Variants in EXOC4 observed in about 807,000 individuals in gnomAD.
EXOC4 encodes the protein SEC8-like 1.
EXOC4 carries 71 observed loss-of-function variants against 107.2 expected under a neutral mutation model. That is an observed-to-expected ratio of 0.66 (90% CI 0.55 to 0.81). EXOC4 has a LOEUF of 0.81. Ranked by LOEUF, EXOC4 falls within the 30% of genes least tolerant of loss-of-function variation. EXOC4 has a pLI of 0.00. For missense variants in EXOC4, 1,108 were observed against 1,189.6 expected, an observed-to-expected ratio of 0.93 and a Z score of 1.01; for synonymous variants, 456 against 441.2, an observed-to-expected ratio of 1.03 and a Z score of -0.42.
At chr7:133,597,743 C>T (rs867850215) in intron 9 of EXOC4, among the ~76,000 whole-genome samples, 3 of 151,480 alleles carry the variant, frequency 2.0e-5, no homozygotes, top group South Asian at 2.1e-4. Flanking sequence ...AAAGTGATGT[C>T]ATCACACCTG....
chr7:133,874,827 T>C (rs1400781961), intron 11 of EXOC4, among the ~76,000 whole-genome samples: 1 of 152,256 alleles, frequency 6.6e-6, no homozygotes, highest in East Asian at 1.9e-4. Context: ...TGTGGGTTAT[T>C]GGAGCCTCCT....
downstream of EXOC4, among the ~76,000 whole-genome samples, chr7:134,071,144 A>G (rs932576306): frequency 1.3e-5 from 2 of 152,220 alleles, no homozygotes; most frequent in Admixed American, 6.5e-5. Flanking sequence ...TATTTCATTT[A>G]ATCCTCACAA....
intron 10 of EXOC4, among the ~76,000 whole-genome samples, chr7:133,682,133 A>G (rs945383547): frequency 2.0e-4 from 31 of 152,096 alleles, no homozygotes; most frequent in African/African-American, 7.0e-4. Context: ...CTTGGACTCA[A>G]CTGATCCAGG....
chr7:133,777,047 GAATT>G (rs148952531), intron 10 of EXOC4, among the ~76,000 whole-genome samples: 1 of 152,134 alleles, frequency 6.6e-6, no homozygotes, highest in Non-Finnish European at 1.5e-5. Flanking sequence ...AGAGCCAAGA[GAATT>G]AATTTATATT....
At chr7:134,004,879 A>G in intron 15 of EXOC4, 33 bp from the exon 16 acceptor site, 1 of 1,576,754 alleles carries the variant, frequency 6.3e-7, no homozygotes, top group Non-Finnish European at 8.6e-7. Context: ...AGGATTTATT[A>G]TTAACTGCTC....
chr7:133,849,262 G>A (rs913556503), intron 11 of EXOC4, among the ~76,000 whole-genome samples: 5 of 152,036 alleles, frequency 3.3e-5, no homozygotes, highest in Non-Finnish European at 1.5e-5. Context: ...TTTCTACAAA[G>A]AAATTCAATT....
chr7:133,621,076 G>C (rs1279724791), intron 9 of EXOC4, among the ~76,000 whole-genome samples: 1 of 152,182 alleles, frequency 6.6e-6, no homozygotes, highest in South Asian at 2.1e-4. Context: ...ATTGGGCACT[G>C]CTGCTAATGG....
rs1796151265 is a variant in EXOC4, at chr7:134,064,999, G to C, written c.*471G>C. 1 of 152,616 alleles carries C rather than the reference G, an allele frequency of 6.6e-6. No homozygotes were observed. The highest frequency in any genetic ancestry group is 1.5e-5 in the Non-Finnish European group (1 of 68,052). 9.5% of individuals were successfully genotyped at this position (152,616 alleles called of 1,614,324 possible). Reference sequence around the variant, plus strand: ...ATCCGTTTACAGTTCAATGAAATAAGTGTATGTGCATTGCTGTCTGTCTCT... The same window carrying C: ...ATCCGTTTACAGTTCAATGAAATAACTGTATGTGCATTGCTGTCTGTCTCT... On this transcript the variant is annotated 3_prime_UTR_variant, in exon 18 of 18. Transcript: ENST00000253861.
chr7:133,408,484 C>T (rs1456781276), intron 7 of EXOC4, among the ~76,000 whole-genome samples: 1 of 149,398 alleles, frequency 6.7e-6, no homozygotes, highest in Non-Finnish European at 1.5e-5. Context: ...ATGGAGGTCA[C>T]AGTAGGGTGG....
intron 9 of EXOC4, among the ~76,000 whole-genome samples, chr7:133,621,943 A>C (rs568492192): frequency 9.0e-6 from 1 of 110,500 alleles, no homozygotes; most frequent in Admixed American, 1.1e-4. Context: ...TCTGTTGACT[A>C]TTTTCTTTTG....
chr7:134,096,427 T>C, the EXOC4 span, among the ~76,000 whole-genome samples: 32,008 of 152,124 alleles, frequency 0.21, 5,049 homozygotes, highest in African/African-American at 0.45. Flanking sequence ...TCAGCGTTCT[T>C]TAAAGGGACA....
At chr7:134,020,003 C>T (rs865988135) in intron 17 of EXOC4, among the ~76,000 whole-genome samples, 5 of 152,214 alleles carry the variant, frequency 3.3e-5, no homozygotes, top group South Asian at 4.2e-4. Flanking sequence ...CTTCTGCTGG[C>T]CTTCCAAACA....
chr7:134,045,418 G>A (rs570217115), intron 17 of EXOC4, among the ~76,000 whole-genome samples: 1 of 152,314 alleles, frequency 6.6e-6, no homozygotes, highest in African/African-American at 2.4e-5. Context: ...GAAAATGTGA[G>A]CTGGTGAAGA....
At chr7:133,469,794 C>T (rs1345598313) in intron 7 of EXOC4, among the ~76,000 whole-genome samples, 2 of 152,198 alleles carry the variant, frequency 1.3e-5, no homozygotes. Context: ...TTTCCTATTT[C>T]TCTCTCTGGC....
chr7:133,924,065 A>G (rs768304310), intron 13 of EXOC4, among the ~76,000 whole-genome samples: 9 of 152,074 alleles, frequency 5.9e-5, no homozygotes, highest in African/African-American at 1.9e-4. Flanking sequence ...AGTAGAAATA[A>G]TTAAACTGAC....
intron 2 of EXOC4, among the ~76,000 whole-genome samples, chr7:133,275,379 A>G (rs941317053): frequency 2.6e-5 from 4 of 152,104 alleles, no homozygotes; most frequent in Non-Finnish European, 4.4e-5. Context: ...CCTGTGTCTT[A>G]TCCTTGGTTC....
At chr7:133,617,247 A>G (rs1189252106) in intron 9 of EXOC4, among the ~76,000 whole-genome samples, 3 of 152,196 alleles carry the variant, frequency 2.0e-5, no homozygotes, top group Non-Finnish European at 4.4e-5. Flanking sequence ...AACCATAAAA[A>G]CAGTAATAGT....
intron 10 of EXOC4, among the ~76,000 whole-genome samples, chr7:133,695,243 G>A (rs1032757237): frequency 3.3e-5 from 5 of 151,802 alleles, no homozygotes; most frequent in Non-Finnish European, 2.9e-5. Context: ...CTGTGCCTGG[G>A]TTTTTTTATT....
At position 133,560,830 on chromosome 7, in the gene EXOC4, A is replaced by G. The variant is rs577460514; in HGVS notation, c.1418-69215A>G. On this transcript the variant is annotated intron_variant, in intron 9 of 17. Coordinates refer to ENST00000253861, the MANE Select transcript of EXOC4 (RefSeq NM_021807.4). ...ATACATTTAGGCATATCATGGTGCT[A>G]TATCTTCCACAGAGATTAAATGTTT... Among the ~76,000 whole-genome samples, 9 of 152,312 alleles carry G rather than the reference A, an allele frequency of 5.9e-5. No individual in the cohort carries two copies. In the South Asian group the frequency reaches 6.2e-4, roughly 11 times the overall value.
Sources: gnomAD v4.1 joint callset for allele counts (sites outside exome capture counted in the v4.1 genomes callset) on GRCh38, gnomAD v4.1.1 for gene constraint, MANE v1.5 for transcripts, NCBI Gene and HGNC (gene_info 2026-07-23, HGNC 2026-07-21) for gene names.